Variants in CACNG8 observed in about 807,000 individuals in gnomAD.
CACNG8 encodes calcium voltage-gated channel auxiliary subunit gamma 8.
In CACNG8, 5 loss-of-function variants were observed where a neutral mutation model predicts 26.9. That is an observed-to-expected ratio of 0.19 (90% CI 0.10 to 0.39). The LOEUF (loss-of-function observed/expected upper bound fraction) is 0.39. Ranked by LOEUF, CACNG8 falls within the 10% of genes least tolerant of loss-of-function variation. The pLI, the probability that CACNG8 is intolerant of heterozygous loss-of-function variation, is 1.00. For synonymous variants in CACNG8, 321 were observed against 296.7 expected (o/e 1.08, Z -0.84); for missense variants, 473 against 609.4 (o/e 0.78, Z 2.36).
At chr19:53,972,994 G>A (rs188665635) in intron 1 of CACNG8, among the ~76,000 whole-genome samples, 18 of 152,264 alleles carry the variant, frequency 1.2e-4, no homozygotes, top group Middle Eastern at 3.4e-3. Context: ...TGTAAAGCAA[G>A]GATGCTGTCA....
Position 53,982,387 on chromosome 19 carries a change from C to A in CACNG8, c.816C>A (p.Arg272=), listed in dbSNP as rs760485365. The change falls in exon 4 of 4, where the codon CGC becomes CGA. Residue 272 remains arginine, a synonymous_variant. Coordinates refer to ENST00000270458, the MANE Select transcript of CACNG8 (RefSeq NM_031895.6). The surrounding 1 kb of genome is among the most constrained non-coding windows in gnomAD (Gnocchi z 8.4). ...CCAGTTACCGCTTCCGCTACCGCCGCCGCTCCCGCTCTAGCTCCCGCTCCA... is the reference window on the plus strand; with the variant it reads ...CCAGTTACCGCTTCCGCTACCGCCGACGCTCCCGCTCTAGCTCCCGCTCCA... The A allele has an allele frequency of 7.8e-6, 12 of 1,529,168 alleles. No individual in the cohort carries two copies. Among genetic ancestry groups the A allele is most frequent in the Non-Finnish European group, 1.7e-6 (2 of 1,143,852 alleles). The allele number at this position is 1,529,168 out of a possible 1,614,324, so 94.7% of individuals were successfully genotyped here.
chr19:53,981,951 C>A lies in CACNG8; in HGVS notation c.509-129C>A. 3 of 961,784 alleles carry A rather than the reference C, an allele frequency of 3.1e-6. 1 individual carries two copies. In the South Asian group the frequency reaches 6.4e-5, roughly 20 times the overall value. 59.6% of individuals were successfully genotyped at this position (961,784 alleles called of 1,614,324 possible). ...ATCCAGGACGGGGGTCTAGACCACT[C>A]GGGGTGGGGCCTAGACCGCCTGGGG... On this transcript the variant is annotated intron_variant, in intron 3 of 3. Transcript: ENST00000270458.
chr19:53,973,461 T>G (rs1419782400), intron 1 of CACNG8, among the ~76,000 whole-genome samples: 1 of 152,032 alleles, frequency 6.6e-6, no homozygotes, highest in African/African-American at 2.4e-5. Context: ...AGGGGGAGTT[T>G]GCAGTGAGCC....
chr19:53,970,193 G>A (rs185827703), intron 1 of CACNG8, among the ~76,000 whole-genome samples: 8,333 of 152,322 alleles, frequency 0.055, 273 homozygotes, highest in African/African-American at 0.078. Context: ...GCGGGCGCCT[G>A]TGGTCCCAGC....
At chr19:53,981,866 A>G (rs1365068393) in intron 3 of CACNG8, among the ~76,000 whole-genome samples, 1 of 152,038 alleles carries the variant, frequency 6.6e-6, no homozygotes, top group Non-Finnish European at 1.5e-5. Context: ...CCAGCAGGGA[A>G]GCGCCTAGAG....
In CACNG8 at chr19:53,982,931, C is replaced by T; in HGVS notation, c.*82C>T. Reference sequence around the variant, plus strand: ...ATCGAGGCTGCCGGGGTCGGGGGCGCCCCCGCTTTCCCCCGTGAGCGCGCT... The same window carrying T: ...ATCGAGGCTGCCGGGGTCGGGGGCGTCCCCGCTTTCCCCCGTGAGCGCGCT... On this transcript the variant is annotated 3_prime_UTR_variant, in exon 4 of 4. Coordinates refer to ENST00000270458, the MANE Select transcript of CACNG8 (RefSeq NM_031895.6). This position sits in a 1 kb window ranked among gnomAD's most constrained non-coding sequence, Gnocchi z 8.4. The T allele has an allele frequency of 1.1e-6, 1 of 916,396 alleles. No homozygotes were observed. Among genetic ancestry groups the T allele is most frequent in the Non-Finnish European group, 1.4e-6 (1 of 723,768 alleles). 56.8% of individuals were successfully genotyped at this position (916,396 alleles called of 1,614,324 possible).
intron 1 of CACNG8, among the ~76,000 whole-genome samples, chr19:53,967,444 G>A (rs1366642460): frequency 6.6e-6 from 1 of 152,230 alleles, no homozygotes; most frequent in African/African-American, 2.4e-5. Flanking sequence ...TTCAGGCTTT[G>A]TGGAGCAGTC....
intron 1 of CACNG8, among the ~76,000 whole-genome samples, chr19:53,976,197 T>C (rs1026496763): frequency 5.3e-5 from 8 of 151,880 alleles, no homozygotes; most frequent in Non-Finnish European, 8.8e-5. Flanking sequence ...ATACAGAAAA[T>C]GCAATATTTA....
rs567667301 is a variant in CACNG8, at chr19:53,987,160, C to G, written c.*4311C>G. On this transcript the variant is annotated 3_prime_UTR_variant, in exon 4 of 4. Transcript: ENST00000270458. ...CGGCTCACTGCCAACCTCCGCCTCC[C>G]AAGTTCAAGTGATTCTCCTGCCTCA... 74 of 152,332 alleles carry G rather than the reference C, an allele frequency of 4.9e-4. No individual in the cohort carries two copies. The highest frequency in any genetic ancestry group is 1.7e-3 in the African/African-American group (71 of 41,566). 9.4% of individuals were successfully genotyped at this position (152,332 alleles called of 1,614,324 possible).
In CACNG8 at chr19:53,982,592, G is replaced by A. The variant is rs1184571973; in HGVS notation, c.1021G>A (p.Gly341Arg). 3 of 953,768 alleles carry A rather than the reference G, an allele frequency of 3.1e-6. No homozygotes were observed. The highest frequency in any genetic ancestry group is 4.6e-5 in the South Asian group (1 of 21,748). 59.1% of individuals were successfully genotyped at this position (953,768 alleles called of 1,614,324 possible). A position where few individuals can be genotyped will look rare whatever the true frequency, so the allele number is the denominator to read the frequency against. ...CGTGGGGGCGTTCGGCGGCGCGGCCGGGGGCGCCGGGGGCGGCGGCGGAGG... is the reference window on the plus strand; with the variant it reads ...CGTGGGGGCGTTCGGCGGCGCGGCCAGGGGCGCCGGGGGCGGCGGCGGAGG... The change falls in exon 4 of 4, where the codon GGG (glycine) becomes AGG (arginine). Residue 341 changes from glycine (G) to arginine (R), a missense_variant. Coordinates refer to ENST00000270458, the MANE Select transcript of CACNG8 (RefSeq NM_031895.6). The surrounding 1 kb of genome is among the most constrained non-coding windows in gnomAD (Gnocchi z 8.4).
chr19:53,969,135 C>T (rs113162625), intron 1 of CACNG8, among the ~76,000 whole-genome samples: 11,410 of 152,022 alleles, frequency 0.075, 508 homozygotes, highest in African/African-American at 0.12. Context: ...TCCTGAGTAG[C>T]TGGGATTACA....
rs2069371739 is a variant in CACNG8 at position 53,982,016 on chromosome 19, G to A, written c.509-64G>A. On this transcript the variant is annotated intron_variant, in intron 3 of 3. Coordinates refer to ENST00000270458, the MANE Select transcript of CACNG8 (RefSeq NM_031895.6). The surrounding 1 kb of genome is among the most constrained non-coding windows in gnomAD (Gnocchi z 8.4). Reference sequence around the variant, plus strand: ...CGCTGGCGCAGGCGGGCAGGGGTCGGGGCCGGGGGCGGGGGCGGGGCCGGG... The same window carrying A: ...CGCTGGCGCAGGCGGGCAGGGGTCGAGGCCGGGGGCGGGGGCGGGGCCGGG... The A allele has an allele frequency of 6.7e-7, 1 of 1,496,014 alleles. No homozygotes were observed. The highest frequency in any genetic ancestry group is 1.5e-5 in the African/African-American group (1 of 68,064). The allele number at this position is 1,496,014 out of a possible 1,614,324, so 92.7% of individuals were successfully genotyped here.
rs2069392961 is a variant in CACNG8, at chr19:53,984,089, G to A, written c.*1240G>A. On this transcript the variant is annotated 3_prime_UTR_variant, in exon 4 of 4. Coordinates refer to ENST00000270458, the MANE Select transcript of CACNG8 (RefSeq NM_031895.6). ...GGCCCTTGGAGCTCACACTCTTGTG[G>A]GAGGAAGCACGTAATTACACAGATG... The A allele has an allele frequency of 6.6e-6, 1 of 152,318 alleles. No individual in the cohort carries two copies. The highest frequency in any genetic ancestry group is 6.5e-5 in the Admixed American group (1 of 15,288). The allele number at this position is 152,318 out of a possible 1,614,324, so 9.4% of individuals were successfully genotyped here.
At position 53,963,019 on chromosome 19, in the gene CACNG8, C is replaced by G. The variant is rs1187293199; in HGVS notation, c.-124C>G. The G allele has an allele frequency of 8.3e-6, 3 of 359,516 alleles. No individual in the cohort carries two copies. Among genetic ancestry groups the G allele is most frequent in the African/African-American group, 6.5e-5 (3 of 46,070 alleles). 22.3% of individuals were successfully genotyped at this position (359,516 alleles called of 1,614,324 possible). A position where few individuals can be genotyped will look rare whatever the true frequency, so the allele number is the denominator to read the frequency against. On this transcript the variant is annotated 5_prime_UTR_variant, in exon 1 of 4. Coordinates refer to ENST00000270458, the MANE Select transcript of CACNG8 (RefSeq NM_031895.6). ...GCCTCCTCCTCGCCGCCCCCCTCCC[C>G]AGCCCCGCCGGCCCCGGGCCCCCCG...
At chr19:53,974,271 T>C (rs756539769) in intron 1 of CACNG8, among the ~76,000 whole-genome samples, 12 of 152,246 alleles carry the variant, frequency 7.9e-5, no homozygotes, top group Non-Finnish European at 1.6e-4. Context: ...TCTATGTTTA[T>C]AGCATGTATC....
chr19:53,977,642 T>C (rs2069337648), intron 1 of CACNG8, among the ~76,000 whole-genome samples: 2 of 152,324 alleles, frequency 1.3e-5, no homozygotes, highest in South Asian at 2.1e-4. Flanking sequence ...GCGGCTGCTC[T>C]TCTCACAACT....
intron 1 of CACNG8, among the ~76,000 whole-genome samples, chr19:53,965,946 G>T (rs1406340370): frequency 6.6e-6 from 1 of 152,176 alleles, no homozygotes; most frequent in Non-Finnish European, 1.5e-5. Flanking sequence ...TGAGGTGGGA[G>T]TGTGGCTGTG....
chr19:53,969,346 G>A (rs1427897587), intron 1 of CACNG8, among the ~76,000 whole-genome samples: 1 of 152,030 alleles, frequency 6.6e-6, no homozygotes, highest in Non-Finnish European at 1.5e-5. Flanking sequence ...GTGAAGCTCA[G>A]AGAGGTGAAG....
intron 1 of CACNG8, among the ~76,000 whole-genome samples, chr19:53,966,418 C>CT (rs1455243485): frequency 1.3e-5 from 2 of 151,746 alleles, no homozygotes; most frequent in Non-Finnish European, 2.9e-5. Context: ...TTTTGTTTTT[C>CT]TTTTTTTGTT....
Sources: gnomAD v4.1 joint callset for allele counts (sites outside exome capture counted in the v4.1 genomes callset) on GRCh38, gnomAD v4.1.1 for gene constraint, Gnocchi (gnomAD v3.1) non-coding constraint, MANE v1.5 for transcripts, NCBI Gene and HGNC (gene_info 2026-07-23, HGNC 2026-07-21) for gene names.